PGBD5: variants seen among roughly 807,000 people sequenced by gnomAD.
PGBD5 encodes the protein piggyBac transposable element derived 5.
PGBD5 carries 14 observed loss-of-function variants against 47.9 expected under a neutral mutation model. The observed-to-expected ratio is 0.29, with a 90% confidence interval of 0.19 to 0.46. The LOEUF (loss-of-function observed/expected upper bound fraction) is 0.46. Ranked by LOEUF, PGBD5 falls within the 20% of genes least tolerant of loss-of-function variation. The pLI is 1.00. For missense variants in PGBD5, 635 were observed against 716.0 expected (o/e 0.89, Z 1.29); for synonymous variants, 316 against 306.3 (o/e 1.03, Z -0.33).
intron 1 of PGBD5, among the ~76,000 whole-genome samples, chr1:230,362,600 A>T (rs957803437): frequency 1.5e-4 from 23 of 152,100 alleles, no homozygotes; most frequent in African/African-American, 5.1e-4. Context: ...CACAGTTCAC[A>T]GCTGTCCCAT....
At chr1:230,345,886 T>C (rs1667466868) in intron 3 of PGBD5, among the ~76,000 whole-genome samples, 1 of 152,206 alleles carries the variant, frequency 6.6e-6, no homozygotes, top group African/African-American at 2.4e-5. Flanking sequence ...AGGTTAGGTG[T>C]ATTAAATGCA....
chr1:230,420,016 C>T (rs1657614033), intron 1 of PGBD5, among the ~76,000 whole-genome samples: 1 of 152,158 alleles, frequency 6.6e-6, no homozygotes. Context: ...ATCCCAGCTA[C>T]TCAGGAGGCT....
chr1:230,388,138 G>A (rs1656692727), intron 1 of PGBD5, among the ~76,000 whole-genome samples: 1 of 152,208 alleles, frequency 6.6e-6, no homozygotes, highest in Non-Finnish European at 1.5e-5. Flanking sequence ...CCACTGAAGG[G>A]CTGTGCATGA....
intron 3 of PGBD5, among the ~76,000 whole-genome samples, chr1:230,344,529 A>G (rs780475487): frequency 6.6e-6 from 1 of 152,164 alleles, no homozygotes; most frequent in Non-Finnish European, 1.5e-5. Context: ...AGTGTTCGTC[A>G]TTCTTTCCTG....
At chr1:230,418,644 T>C (rs1012311671) in intron 1 of PGBD5, among the ~76,000 whole-genome samples, 2 of 152,138 alleles carry the variant, frequency 1.3e-5, no homozygotes, top group Non-Finnish European at 2.9e-5. Context: ...ACCACCACGC[T>C]TGGCTAATTT....
chr1:230,415,753 G>A (rs1657498347), intron 1 of PGBD5, among the ~76,000 whole-genome samples: 1 of 152,192 alleles, frequency 6.6e-6, no homozygotes, highest in Admixed American at 6.5e-5. Flanking sequence ...AGGCAATGGG[G>A]GAAGACAGGT....
intron 4 of PGBD5, among the ~76,000 whole-genome samples, chr1:230,333,382 C>T (rs10495295): frequency 3.0e-4 from 46 of 152,288 alleles, no homozygotes; most frequent in African/African-American, 5.5e-4. Flanking sequence ...GCACTACGCA[C>T]GTGTACTCAT....
intron 1 of PGBD5, among the ~76,000 whole-genome samples, chr1:230,418,378 G>C (rs1054278090): frequency 3.9e-5 from 6 of 152,210 alleles, no homozygotes; most frequent in African/African-American, 1.4e-4. Flanking sequence ...ATGCGATATG[G>C]ATGAATCTTA....
chr1:230,405,364 A>G (rs1007741833), intron 1 of PGBD5, among the ~76,000 whole-genome samples: 2 of 152,098 alleles, frequency 1.3e-5, no homozygotes, highest in African/African-American at 4.8e-5. Context: ...AGCCTTCTCA[A>G]CCTGAAGAAG....
chr1:230,330,940 T>C (rs1224628801), intron 5 of PGBD5, among the ~76,000 whole-genome samples: 1 of 152,216 alleles, frequency 6.6e-6, no homozygotes, highest in South Asian at 2.1e-4. Flanking sequence ...GCTCCTTTGG[T>C]GTCTGCTTTA....
Position 230,425,827 on chromosome 1 carries a change from G to C in PGBD5, c.102C>G (p.Gly34=). ...ESLHISDDVF[G]ESGPDSGGNP... ...TCCCGCCGCTGTCCGGGCCGGACTC[G>C]CCGAACACGTCGTCCGAGATGTGCA... The change falls in exon 1 of 7, where the codon GGC becomes GGG. Residue 34 remains glycine (G), a synonymous_variant. Coordinates refer to ENST00000391860, the MANE Select transcript of PGBD5 (RefSeq NM_001258311.2). The surrounding 1 kb of genome is among the most constrained non-coding windows in gnomAD (Gnocchi z 4.7). 2 of 1,206,520 alleles carry C rather than the reference G, an allele frequency of 1.7e-6. No individual in the cohort carries two copies. Among genetic ancestry groups the C allele is most frequent in the Non-Finnish European group, 2.1e-6 (2 of 971,942 alleles). 74.7% of individuals were successfully genotyped at this position (1,206,520 alleles called of 1,614,324 possible).
At chr1:230,386,244 AGGAGGT>A (rs1260924601) in intron 1 of PGBD5, among the ~76,000 whole-genome samples, 2 of 151,802 alleles carry the variant, frequency 1.3e-5, no homozygotes, top group South Asian at 4.2e-4. Flanking sequence ...GCTTGAACCT[AGGAGGT>A]TGAGGCAGTA....
intron 1 of PGBD5, among the ~76,000 whole-genome samples, chr1:230,424,868 A>G (rs1162971031): frequency 6.6e-6 from 1 of 152,250 alleles, no homozygotes; most frequent in African/African-American, 2.4e-5. Flanking sequence ...GGAGTGGGGC[A>G]GCCGCAGCTG....
intron 3 of PGBD5, among the ~76,000 whole-genome samples, chr1:230,341,704 T>C (rs767262436): frequency 3.3e-5 from 5 of 152,166 alleles, no homozygotes; most frequent in Non-Finnish European, 7.4e-5. Context: ...GAAAGCACTA[T>C]CATACTAATA....
chr1:230,397,934 C>G (rs550268289), intron 1 of PGBD5, among the ~76,000 whole-genome samples: 1 of 152,360 alleles, frequency 6.6e-6, no homozygotes, highest in Non-Finnish European at 1.5e-5. Flanking sequence ...TGCTCAGAAG[C>G]TATCACCACC....
intron 1 of PGBD5, among the ~76,000 whole-genome samples, chr1:230,364,042 G>A (rs1667789474): frequency 6.6e-6 from 1 of 152,174 alleles, no homozygotes; most frequent in Non-Finnish European, 1.5e-5. Flanking sequence ...AAACACCTGG[G>A]GTCCAAGTCT....
At chr1:230,341,951 A>T (rs1345971284) in intron 3 of PGBD5, among the ~76,000 whole-genome samples, 1 of 152,192 alleles carries the variant, frequency 6.6e-6, no homozygotes, top group Non-Finnish European at 1.5e-5. Flanking sequence ...ATATGGCATT[A>T]TACTTTGCCC....
At chr1:230,387,511 A>G (rs183534000) in intron 1 of PGBD5, among the ~76,000 whole-genome samples, 40 of 152,248 alleles carry the variant, frequency 2.6e-4, no homozygotes, top group Admixed American at 6.5e-4. Context: ...GGCTGGGGGG[A>G]GGCTCCTTAG....
At chr1:230,422,866 G>C (rs775105280) in intron 1 of PGBD5, among the ~76,000 whole-genome samples, 27 of 152,002 alleles carry the variant, frequency 1.8e-4, no homozygotes, top group Admixed American at 3.3e-4. Context: ...CTCCCAGCTG[G>C]GCACCAAGTA....
Sources: allele counts gnomAD v4.1 joint callset (sites outside exome capture counted in the v4.1 genomes callset), GRCh38; gene constraint gnomAD v4.1.1; non-coding constraint Gnocchi (gnomAD v3.1); transcripts MANE v1.5; gene names NCBI Gene and HGNC (gene_info 2026-07-23, HGNC 2026-07-21).